Variants in HIVEP3 observed in about 807,000 individuals in gnomAD.
The protein encoded by HIVEP3 is transcription factor HIVEP3.
A neutral mutation model predicts 152.8 loss-of-function variants in HIVEP3; 49 were observed. The ratio of observed to expected loss-of-function variants is 0.32; its 90% CI spans 0.26 to 0.41. HIVEP3 has a LOEUF of 0.41. HIVEP3 is among the 10% of genes least tolerant of loss of function. HIVEP3 has a pLI of 1.00. For missense variants in HIVEP3, 2,790 were observed against 3,103.3 expected, an observed-to-expected ratio of 0.90 and a Z score of 2.40; for synonymous variants, 1,269 against 1,289.0, an observed-to-expected ratio of 0.98 and a Z score of 0.33.
At chr1:41,521,309 A>G (rs1450422183) in intron 6 of HIVEP3, among the ~76,000 whole-genome samples, 1 of 152,206 alleles carries the variant, frequency 6.6e-6, no homozygotes, top group Non-Finnish European at 1.5e-5. Context: ...GTGGAGGAAG[A>G]GATGCTAAGA....
intron 2 of HIVEP3, among the ~76,000 whole-genome samples, chr1:41,634,170 G>A (rs563766935): frequency 7.9e-5 from 12 of 151,476 alleles, no homozygotes; most frequent in South Asian, 4.2e-4. Flanking sequence ...AATAAGAATT[G>A]TACCAGAATA....
At position 41,628,951 on chromosome 1, in the gene HIVEP3, C is replaced by T; in HGVS notation, c.-720-4G>A. The T allele has an allele frequency of 8.1e-7, 1 of 1,230,084 alleles. No individual in the cohort carries two copies. Among genetic ancestry groups the T allele is most frequent in the Admixed American group, 4.2e-5 (1 of 23,696 alleles). 76.2% of individuals were successfully genotyped at this position (1,230,084 alleles called of 1,614,324 possible). On this transcript the variant is annotated splice_region_variant and splice_polypyrimidine_tract_variant and intron_variant, in intron 2 of 8. Coordinates refer to ENST00000372583, the MANE Select transcript of HIVEP3 (RefSeq NM_024503.5). Reference sequence around the variant, plus strand: ...TGCTGGGTTTGTGCCTCGAATCCTGCAGGAGATGATTGAGAAACATGGTCA... The same window carrying T: ...TGCTGGGTTTGTGCCTCGAATCCTGTAGGAGATGATTGAGAAACATGGTCA...
chr1:41,623,674 C>A (rs1423358795), intron 3 of HIVEP3, among the ~76,000 whole-genome samples: 1 of 152,330 alleles, frequency 6.6e-6, no homozygotes, highest in East Asian at 1.9e-4. Flanking sequence ...GGCTTTGCCT[C>A]AAATGCCTAA....
At chr1:41,524,947 A>C in intron 5 of HIVEP3, 37 bp from the exon 6 acceptor site, 1 of 1,578,564 alleles carries the variant, frequency 6.3e-7, no homozygotes, top group Non-Finnish European at 8.7e-7. Context: ...GGGAAAAAAA[A>C]GGAGAAGAGG....
chr1:41,848,036 T>C (rs1219980235), intron 1 of HIVEP3: 3 of 152,144 alleles, frequency 2.0e-5, no homozygotes, highest in African/African-American at 7.2e-5. Context: ...AGTGACCCAG[T>C]TTCAGATAAG....
intron 4 of HIVEP3, among the ~76,000 whole-genome samples, chr1:41,578,951 G>C (rs1010414241): frequency 6.6e-6 from 1 of 152,190 alleles, no homozygotes; most frequent in African/African-American, 2.4e-5. Context: ...AAATCCCTAG[G>C]CTGGCCTTGT....
intron 5 of HIVEP3, among the ~76,000 whole-genome samples, chr1:41,564,862 G>A (rs1040785510): frequency 1.3e-5 from 2 of 152,176 alleles, no homozygotes; most frequent in Non-Finnish European, 1.5e-5. Flanking sequence ...CCCAACACAG[G>A]AGGCAGAGAG....
At chr1:41,791,121 T>TACACACACACACAC (rs60729364) in intron 1 of HIVEP3, among the ~76,000 whole-genome samples, 1 of 140,734 alleles carries the variant, frequency 7.1e-6, no homozygotes, top group African/African-American at 2.6e-5. Flanking sequence ...CACACATGTG[T>TACACACACACACAC]ACACACACAC....
intron 1 of HIVEP3, among the ~76,000 whole-genome samples, chr1:41,974,714 C>A (rs1645250171): frequency 6.6e-6 from 1 of 152,098 alleles, no homozygotes. Context: ...ACTGTGTAAT[C>A]CCACAGGACA....
rs542515493 is a variant in HIVEP3, at chr1:41,779,558, C to T, written c.-800-78563G>A. 4.6e-5 allele frequency among the ~76,000 whole-genome samples: 7 copies of T among 152,324 alleles called. 1 individual carries two copies. Among genetic ancestry groups the T allele is most frequent in the South Asian group, 2.1e-4 (1 of 4,826 alleles). Reference sequence around the variant, plus strand: ...CCCAGCAGGCGGGAGTGCAGTGGCACGATTTTTGCTCATTGCAACCTCCAC... The same window carrying T: ...CCCAGCAGGCGGGAGTGCAGTGGCATGATTTTTGCTCATTGCAACCTCCAC... On this transcript the variant is annotated intron_variant, in intron 1 of 8. Transcript: ENST00000372583.
In HIVEP3 at chr1:41,582,717, G is replaced by A. The variant is rs756275897; in HGVS notation, c.2081C>T (p.Pro694Leu). The change falls in exon 4 of 9, where the codon CCG becomes CTG. Residue 694 changes from proline (P) to leucine (L), a missense_variant. Physicochemically the swap from Pro to Leu is moderately conservative, Grantham distance 98. Transcript: ENST00000372583. This position sits in a 1 kb window ranked among gnomAD's most constrained non-coding sequence, Gnocchi z 4.7. ...EAEKSQIEHE[P>L]WSQMMHYKLG... ...TTTGTAATGCATCATTTGGGACCAC[G>A]GCTCATGCTCAATCTGACTCTTTTC... 14 of 1,614,174 alleles carry A rather than the reference G, an allele frequency of 8.7e-6. No homozygotes were observed. The highest frequency in any genetic ancestry group is 1.7e-5 in the Admixed American group (1 of 60,026).
intron 1 of HIVEP3, among the ~76,000 whole-genome samples, chr1:41,827,787 C>T (rs909295756): frequency 2.6e-5 from 4 of 152,012 alleles, no homozygotes; most frequent in African/African-American, 9.7e-5. Context: ...AATCATTGAT[C>T]CAAATTCACT....
intron 5 of HIVEP3, among the ~76,000 whole-genome samples, chr1:41,530,901 C>G (rs1558034273): frequency 6.6e-6 from 1 of 152,196 alleles, no homozygotes; most frequent in Admixed American, 6.5e-5. Context: ...AGGTTGGTGC[C>G]TTGACTTGGG....
In HIVEP3 at chr1:41,775,266, G is replaced by C. The variant is rs1648622843; in HGVS notation, c.-800-74271C>G. 2.0e-5 allele frequency among the ~76,000 whole-genome samples: 3 copies of C among 152,110 alleles called. 1 individual carries two copies. The South Asian group carries it at 6.2e-4, about 32-fold the overall frequency. The stretch of plus-strand genomic sequence containing the variant: ...CAAACATCAAAAGTCTCTCCTCTTA[G>C]TCTTTGTGGAAGAAGACATTTCTGC... On this transcript the variant is annotated intron_variant, in intron 1 of 8. Transcript: ENST00000372583.
At chr1:41,977,709 G>C (rs2124508164) in intron 1 of HIVEP3, among the ~76,000 whole-genome samples, 1 of 152,326 alleles carries the variant, frequency 6.6e-6, no homozygotes, top group South Asian at 2.1e-4. Context: ...ACCAGATGCT[G>C]TGAGACCCAC....
intron 1 of HIVEP3, among the ~76,000 whole-genome samples, chr1:41,953,916 T>C (rs1645124285): frequency 6.6e-6 from 1 of 152,208 alleles, no homozygotes; most frequent in Admixed American, 6.5e-5. Flanking sequence ...CCCTTTTTTC[T>C]GCTAACTCTT....
chr1:41,554,815 G>T (rs933030304), intron 5 of HIVEP3, among the ~76,000 whole-genome samples: 13 of 152,200 alleles, frequency 8.5e-5, no homozygotes, highest in African/African-American at 3.1e-4. Context: ...GGTATTACCA[G>T]CAGAGGCTGC....
chr1:41,909,415 T>C (rs948172283), intron 1 of HIVEP3, among the ~76,000 whole-genome samples: 5 of 152,118 alleles, frequency 3.3e-5, no homozygotes, highest in Non-Finnish European at 7.4e-5. Context: ...AAAGATTCAA[T>C]TCACCAGAAA....
Position 41,582,317 on chromosome 1 carries a change from C to G in HIVEP3, c.2481G>C (p.Gln827His). The G allele has an allele frequency of 6.2e-7, 1 of 1,614,090 alleles. No homozygotes were observed. The highest frequency in any genetic ancestry group is 1.6e-4 in the Middle Eastern group (1 of 6,062). ...GLEGEDKPLAQFPSPPPAPHG... is the reference protein window; with the variant it reads ...GLEGEDKPLAHFPSPPPAPHG... Reference sequence around the variant, plus strand: ...GTGGGGCAGGTGGGGGTGATGGGAACTGGGCCAGAGGTTTGTCTTCCCCTT... The same window carrying G: ...GTGGGGCAGGTGGGGGTGATGGGAAGTGGGCCAGAGGTTTGTCTTCCCCTT... The change falls in exon 4 of 9, where the codon CAG (glutamine) becomes CAC (histidine). Residue 827 changes from glutamine (Q) to histidine (H), a missense_variant. By Grantham distance (24) the Gln-to-His change is conservative (BLOSUM62 0). Transcript: ENST00000372583. The surrounding 1 kb of genome is among the most constrained non-coding windows in gnomAD (Gnocchi z 4.7).
Sources: gnomAD v4.1 joint callset for allele counts (sites outside exome capture counted in the v4.1 genomes callset) on GRCh38, gnomAD v4.1.1 for gene constraint, Gnocchi (gnomAD v3.1) non-coding constraint, MANE v1.5 for transcripts, NCBI Gene and HGNC (gene_info 2026-07-23, HGNC 2026-07-21) for gene names.